The following PPP2R1B variants were observed in gnomAD, a reference collection of about 807,000 sequenced individuals.
PPP2R1B encodes the protein protein phosphatase 2 scaffold subunit Abeta.
PPP2R1B carries 58 observed loss-of-function variants against 72.7 expected under a neutral mutation model. The observed-to-expected ratio is 0.80, with a 90% confidence interval of 0.65 to 0.99. The LOEUF is 0.99. PPP2R1B is among the 50% of genes least tolerant of loss of function. PPP2R1B has a pLI of 0.00. For synonymous variants in PPP2R1B, 256 were observed against 264.6 expected (o/e 0.97, Z 0.32); for missense variants, 695 against 733.6 (o/e 0.95, Z 0.61).
the PPP2R1B span, among the ~76,000 whole-genome samples, chr11:111,698,669 C>G: frequency 6.6e-6 from 1 of 152,166 alleles, no homozygotes; most frequent in Non-Finnish European, 1.5e-5. Flanking sequence ...TGAGATCGTG[C>G]CATTGCACTC....
chr11:111,702,850 A>G, the PPP2R1B span, among the ~76,000 whole-genome samples: 1 of 152,316 alleles, frequency 6.6e-6, no homozygotes. Context: ...AGCATTAGAT[A>G]TGACTGAGGA....
At chr11:111,754,595 T>C (rs1298206618) in intron 7 of PPP2R1B, 26 bp from the exon 8 acceptor site, 3 of 1,589,332 alleles carry the variant, frequency 1.9e-6, no homozygotes, top group Non-Finnish European at 2.6e-6. Flanking sequence ...AAAAAAAGAA[T>C]GCTTTCACAG....
chr11:111,722,747 A>G, downstream of PPP2R1B: 1 of 1,614,060 alleles, frequency 6.2e-7, no homozygotes, highest in Non-Finnish European at 8.5e-7. The surrounding 1 kb of genome is among the most constrained non-coding windows in gnomAD (Gnocchi z 4.4). Context: ...CAGCAGCTGC[A>G]GGAACATAGG....
the PPP2R1B span, chr11:111,701,410 A>T: frequency 6.3e-7 from 1 of 1,595,436 alleles, no homozygotes; most frequent in Non-Finnish European, 8.6e-7. This position sits in a 1 kb window ranked among gnomAD's most constrained non-coding sequence, Gnocchi z 4.2. Context: ...AGAGTGTTTG[A>T]CGTTCTTGGT....
chr11:111,766,144 A>C, intron 1 of PPP2R1B, 104 bp downstream of exon 1: 1 of 1,077,982 alleles, frequency 9.3e-7, no homozygotes, highest in Admixed American at 2.0e-5. Context: ...TACGAGTCCG[A>C]CTCATTCAGT....
chr11:111,709,336 G>A, the PPP2R1B span, among the ~76,000 whole-genome samples: 1 of 152,200 alleles, frequency 6.6e-6, no homozygotes, highest in Non-Finnish European at 1.5e-5. Flanking sequence ...TCAAGGCCCT[G>A]TCTCCAGATA....
At chr11:111,721,458 ATAC>A in the PPP2R1B span, among the ~76,000 whole-genome samples, 1 of 152,212 alleles carries the variant, frequency 6.6e-6, no homozygotes, top group African/African-American at 2.4e-5. Context: ...ACTTTAGTAA[ATAC>A]TACAAGTGGA....
rs549555490 is a variant in PPP2R1B, at chr11:111,746,469, T to C, written c.1399+1485A>G. ...GAAGGGAACATCACACACTGAGGCC[T>C]ATCAGGGGGTGAGGGGCGAGGGGAG... On this transcript the variant is annotated intron_variant, in intron 11 of 14. Coordinates refer to ENST00000527614, the MANE Select transcript of PPP2R1B (RefSeq NM_002716.5). Among the ~76,000 whole-genome samples the C allele has an allele frequency of 5.8e-4, 89 of 152,162 alleles. No individual in the cohort carries two copies. The Middle Eastern group carries it at 0.014, about 23-fold the overall frequency.
downstream of PPP2R1B, chr11:111,723,463 T>G: frequency 6.4e-7 from 1 of 1,551,284 alleles, no homozygotes; most frequent in Non-Finnish European, 8.7e-7. Flanking sequence ...TTGAGAAGAT[T>G]TAAAATTCTT....
intron 15 of PPP2R1B, chr11:111,727,833 A>C (rs1944025423): frequency 6.6e-6 from 1 of 152,280 alleles, no homozygotes; most frequent in Non-Finnish European, 1.5e-5. Flanking sequence ...GCCTCTGGAG[A>C]CATGCGGGCA....
chr11:111,718,116 A>G, the PPP2R1B span, among the ~76,000 whole-genome samples: 1 of 152,226 alleles, frequency 6.6e-6, no homozygotes, highest in African/African-American at 2.4e-5. Flanking sequence ...CTTATCCTAT[A>G]AGAAATGTCT....
the PPP2R1B span, chr11:111,720,130 G>T: frequency 1.1e-6 from 1 of 930,140 alleles, no homozygotes. Flanking sequence ...TTATGGATTA[G>T]ATTCAGCAGG....
chr11:111,706,917 G>A, the PPP2R1B span, among the ~76,000 whole-genome samples: 113 of 141,718 alleles, frequency 8.0e-4, 1 homozygote, highest in Non-Finnish European at 1.3e-3. Context: ...CCGAGATCCC[G>A]CCACTGCACT....
intron 11 of PPP2R1B, among the ~76,000 whole-genome samples, chr11:111,744,411 T>C (rs1351915077): frequency 6.6e-6 from 1 of 152,246 alleles, no homozygotes; most frequent in Non-Finnish European, 1.5e-5. Flanking sequence ...CAAATGTCTT[T>C]GAATCAATGT....
At chr11:111,692,487 C>A in the PPP2R1B span, among the ~76,000 whole-genome samples, 1 of 148,580 alleles carries the variant, frequency 6.7e-6, no homozygotes. Flanking sequence ...GAGGCCAGAG[C>A]GAATTGGAGT....
At chr11:111,743,347 C>T in intron 12 of PPP2R1B, 29 bp downstream of exon 12, 1 of 1,573,832 alleles carries the variant, frequency 6.4e-7, no homozygotes, top group Middle Eastern at 1.7e-4. Context: ...AATGATTAAG[C>T]TTAGCAATAA....
At chr11:111,749,790 G>A (rs1944835443) in intron 10 of PPP2R1B, among the ~76,000 whole-genome samples, 1 of 152,146 alleles carries the variant, frequency 6.6e-6, no homozygotes, top group South Asian at 2.1e-4. Flanking sequence ...TGTCACCCCT[G>A]CCAGACAGGT....
At chr11:111,727,080 G>C in intron 15 of PPP2R1B, 1 of 1,603,548 alleles carries the variant, frequency 6.2e-7, no homozygotes, top group Non-Finnish European at 8.5e-7. Flanking sequence ...CAGCATGTTA[G>C]CCCGACAGGA....
rs1048311853 is a variant in PPP2R1B at position 111,740,846 on chromosome 11, A to G, written c.*750T>C. ...ACAAACATACTGCTTATTAGGAGGC[A>G]CTACAGTTAAAGCTTTTTAGAAAAG... On this transcript the variant is annotated 3_prime_UTR_variant, in exon 15 of 15. Transcript: ENST00000527614. 7.1e-6 allele frequency: 7 copies of G among 985,348 alleles called. No individual in the cohort carries two copies. In the Admixed American group the frequency reaches 2.5e-4, roughly 35 times the overall value. 61.0% of individuals were successfully genotyped at this position (985,348 alleles called of 1,614,324 possible).
Sources: gnomAD v4.1 joint callset for allele counts (sites outside exome capture counted in the v4.1 genomes callset) on GRCh38, gnomAD v4.1.1 for gene constraint, Gnocchi (gnomAD v3.1) non-coding constraint, MANE v1.5 for transcripts, NCBI Gene and HGNC (gene_info 2026-07-23, HGNC 2026-07-21) for gene names.